The following POLH variants were observed in gnomAD, a reference collection of about 807,000 sequenced individuals.
The protein encoded by POLH is DNA polymerase eta.
A neutral mutation model predicts 73.6 loss-of-function variants in POLH; 53 were observed. The ratio of observed to expected loss-of-function variants is 0.72; its 90% CI spans 0.58 to 0.91. The LOEUF (loss-of-function observed/expected upper bound fraction) is 0.91, where lower values mean the gene tolerates loss of function less well. Among genes scored for constraint, POLH ranks in the 40% least tolerant of loss-of-function variants. The pLI is 0.00. For missense variants in POLH, 768 were observed against 865.4 expected (o/e 0.89, Z 1.41); for synonymous variants, 292 against 308.5 (o/e 0.95, Z 0.56).
rs968648065 is a variant in POLH, at chr6:43,617,563, G to T, written c.*3006G>T. Among the ~76,000 whole-genome samples, 1 of 151,644 alleles carries T rather than the reference G, an allele frequency of 6.6e-6. No homozygotes were observed. The highest frequency in any genetic ancestry group is 2.4e-5 in the African/African-American group (1 of 41,240). ...AATCACTTGAATCTGGGAGGCAGAG[G>T]TTGTAGTGAGCTGAGATTGTGCCAC... On this transcript the variant is annotated 3_prime_UTR_variant, in exon 11 of 11. Coordinates refer to ENST00000372236, the MANE Select transcript of POLH (RefSeq NM_006502.3).
At chr6:43,598,149 G>T (rs912319785) in intron 5 of POLH, among the ~76,000 whole-genome samples, 1 of 146,252 alleles carries the variant, frequency 6.8e-6, no homozygotes, top group Non-Finnish European at 1.5e-5. Context: ...AAGCTGCCGT[G>T]AGCCGAAATC....
At chr6:43,588,802 T>C (rs1582281473) in intron 4 of POLH, 1 of 152,176 alleles carries the variant, frequency 6.6e-6, no homozygotes, top group East Asian at 1.9e-4. Flanking sequence ...GCTTTTTAAT[T>C]ACAAGATGAT....
intron 1 of POLH, among the ~76,000 whole-genome samples, chr6:43,581,165 T>C (rs1452222936): frequency 9.6e-5 from 14 of 145,398 alleles, no homozygotes; most frequent in South Asian, 2.2e-4. Context: ...GAGGGTCTCC[T>C]CACTTCTCAG....
At chr6:43,587,216 C>T in intron 3 of POLH, 56 bp from the exon 4 acceptor site, 1 of 1,287,476 alleles carries the variant, frequency 7.8e-7, no homozygotes, top group Non-Finnish European at 1.1e-6. Flanking sequence ...GTGGAGCAGA[C>T]AATCTCAAGG....
chr6:43,594,477 C>G lies in POLH; in HGVS notation c.491-3219C>G, dbSNP rs537619433. On this transcript the variant is annotated intron_variant, in intron 4 of 10. Coordinates refer to ENST00000372236, the MANE Select transcript of POLH (RefSeq NM_006502.3). ...GTGGCTCACGCCTGTAATCCCAGCA[C>G]TTTGGGAGCCCTTGAGGTCAGGAGT... 7.0e-4 allele frequency among the ~76,000 whole-genome samples: 106 copies of G among 152,246 alleles called. 1 individual carries two copies. The highest frequency in any genetic ancestry group is 3.9e-4 in the East Asian group (2 of 5,192).
Position 43,620,193 on chromosome 6 carries a change from T to C in POLH, c.*5636T>C. Reference sequence around the variant, plus strand: ...TGCCAGGGCACAGAAGTGGGCTCCTTACTATTCTGACCACTAGCAAGTGGC... The same window carrying C: ...TGCCAGGGCACAGAAGTGGGCTCCTCACTATTCTGACCACTAGCAAGTGGC... On this transcript the variant is annotated 3_prime_UTR_variant, in exon 11 of 11. Transcript: ENST00000372236. 1 of 504,682 alleles carries C rather than the reference T, an allele frequency of 2.0e-6. No individual in the cohort carries two copies. The highest frequency in any genetic ancestry group is 3.9e-6 in the Non-Finnish European group (1 of 256,332). The allele number at this position is 504,682 out of a possible 1,614,324, so 31.3% of individuals were successfully genotyped here.
chr6:43,587,764 C>G (rs1764989691), intron 4 of POLH, among the ~76,000 whole-genome samples: 1 of 152,178 alleles, frequency 6.6e-6, no homozygotes, highest in African/African-American at 2.4e-5. Context: ...CGCGGTGATT[C>G]ACGCTTCTAA....
At chr6:43,608,495 T>G (rs1767535898) in intron 9 of POLH, among the ~76,000 whole-genome samples, 1 of 152,146 alleles carries the variant, frequency 6.6e-6, no homozygotes, top group African/African-American at 2.4e-5. Context: ...GTTTCTCATC[T>G]CTCTCTAAGT....
intron 3 of POLH, among the ~76,000 whole-genome samples, chr6:43,585,504 G>C (rs565038346): frequency 6.6e-6 from 1 of 152,198 alleles, no homozygotes; most frequent in East Asian, 1.9e-4. Flanking sequence ...CATACAAAAA[G>C]ACAAAACTTG....
intron 1 of POLH, among the ~76,000 whole-genome samples, chr6:43,581,512 A>C (rs1225794578): frequency 4.7e-5 from 7 of 149,480 alleles, no homozygotes; most frequent in Middle Eastern, 7.0e-3. Flanking sequence ...CAGAGGCTGC[A>C]ATCTCGGCAC....
chr6:43,613,348 T>C (rs1768095111), intron 10 of POLH, among the ~76,000 whole-genome samples: 1 of 152,160 alleles, frequency 6.6e-6, no homozygotes, highest in Non-Finnish European at 1.5e-5. Context: ...TGGTACCTTA[T>C]AAAAAACAAT....
At chr6:43,583,394 G>A (rs745562966) in intron 3 of POLH, among the ~76,000 whole-genome samples, 27 of 152,284 alleles carry the variant, frequency 1.8e-4, no homozygotes, top group Middle Eastern at 3.4e-3. Flanking sequence ...AAAATTGGTT[G>A]TTAAATTCAG....
At chr6:43,613,143 G>A (rs1040778647) in intron 10 of POLH, among the ~76,000 whole-genome samples, 4 of 152,130 alleles carry the variant, frequency 2.6e-5, no homozygotes, top group African/African-American at 4.8e-5. Flanking sequence ...GACTAGTAAC[G>A]AAAAGCAGTT....
Position 43,596,285 on chromosome 6 carries a change from C to A in POLH, c.491-1411C>A, listed in dbSNP as rs555783943. Among the ~76,000 whole-genome samples the A allele has an allele frequency of 5.9e-5, 9 of 152,236 alleles. No individual in the cohort carries two copies. In the South Asian group the frequency reaches 1.9e-3, roughly 32 times the overall value. Reference sequence around the variant, plus strand: ...GATCACAAGGTCAGGAGATCGAGACCATTCTGGCTGACACGGTGAAACCCC... The same window carrying A: ...GATCACAAGGTCAGGAGATCGAGACAATTCTGGCTGACACGGTGAAACCCC... On this transcript the variant is annotated intron_variant, in intron 4 of 10. Transcript: ENST00000372236.
intron 9 of POLH, 91 bp from the exon 10 acceptor site, chr6:43,610,463 G>T: frequency 9.7e-7 from 1 of 1,033,008 alleles, no homozygotes; most frequent in Admixed American, 1.7e-5. Flanking sequence ...TGTCACCCTG[G>T]TTCTTTTAAT....
intron 8 of POLH, among the ~76,000 whole-genome samples, 193 bp downstream of exon 8, chr6:43,604,931 T>A (rs1455422064): frequency 6.6e-6 from 1 of 152,234 alleles, no homozygotes; most frequent in Non-Finnish European, 1.5e-5. Context: ...CGAAATAAAA[T>A]GGAATTTCTC....
At chr6:43,578,375 G>A (rs1203437445) in intron 1 of POLH, 3 of 429,834 alleles carry the variant, frequency 7.0e-6, no homozygotes, top group Non-Finnish European at 1.4e-5. Flanking sequence ...CAACGAGAAC[G>A]AAACTCTAAC....
intron 3 of POLH, among the ~76,000 whole-genome samples, chr6:43,584,277 C>T (rs1007328608): frequency 4.6e-5 from 7 of 152,106 alleles, no homozygotes; most frequent in African/African-American, 1.4e-4. Flanking sequence ...GACTTAGGAC[C>T]TGACATACTT....
intron 4 of POLH, among the ~76,000 whole-genome samples, chr6:43,595,340 G>A (rs9333535): frequency 0.11 from 17,405 of 151,730 alleles, 1,368 homozygotes; most frequent in East Asian, 0.3. Context: ...TTTCACCATG[G>A]TGGTCAGGCT....
Sources: allele counts gnomAD v4.1 joint callset (sites outside exome capture counted in the v4.1 genomes callset), GRCh38; gene constraint gnomAD v4.1.1; transcripts MANE v1.5; gene names NCBI Gene and HGNC (gene_info 2026-07-23, HGNC 2026-07-21).